Variants in GALNT14 observed in about 807,000 individuals in gnomAD.
GALNT14 encodes polypeptide N-acetylgalactosaminyltransferase 14, also known as UDP-GalNAc:polypeptide N-acetylgalactosaminyltransferase 14.
Under a neutral mutation model 77.5 loss-of-function variants are expected in GALNT14, and 60 were observed. That is an observed-to-expected ratio of 0.77 (90% CI 0.63 to 0.96). GALNT14 has a LOEUF of 0.96. GALNT14 is among the 40% of genes least tolerant of loss of function. The probability of loss-of-function intolerance (pLI) is 0.00; values close to 1 mark genes in which losing one functional copy is unlikely to be tolerated. For missense variants in GALNT14, 710 were observed against 731.0 expected, an observed-to-expected ratio of 0.97 and a Z score of 0.33; for synonymous variants, 280 against 281.7, an observed-to-expected ratio of 0.99 and a Z score of 0.06.
At chr2:30,937,962 C>T (rs1666152592) in intron 9 of GALNT14, among the ~76,000 whole-genome samples, 1 of 152,118 alleles carries the variant, frequency 6.6e-6, no homozygotes, top group Admixed American at 6.5e-5. Context: ...CCTATGAATG[C>T]TTAGTGATGA....
the GALNT14 span, among the ~76,000 whole-genome samples, chr2:30,895,197 C>T: frequency 3.3e-5 from 5 of 152,182 alleles, no homozygotes; most frequent in Non-Finnish European, 5.9e-5. Flanking sequence ...ATTTGACAAG[C>T]ACCTTTGAGA....
At chr2:30,983,158 A>G (rs1463549148) in intron 2 of GALNT14, among the ~76,000 whole-genome samples, 1 of 152,088 alleles carries the variant, frequency 6.6e-6, no homozygotes, top group Non-Finnish European at 1.5e-5. Flanking sequence ...TTTCAAGGCT[A>G]GCTTAAGGGA....
At chr2:31,132,604 A>C (rs1466146714) in intron 1 of GALNT14, 5 of 413,782 alleles carry the variant, frequency 1.2e-5, no homozygotes, top group African/African-American at 1.0e-4. Flanking sequence ...CAACAATGAG[A>C]AAATTGACAG....
At chr2:30,970,928 C>T (rs2148352686) in intron 2 of GALNT14, among the ~76,000 whole-genome samples, 1 of 152,314 alleles carries the variant, frequency 6.6e-6, no homozygotes, top group Admixed American at 6.5e-5. Flanking sequence ...GAATCTCGCT[C>T]AAGGTGGCAC....
chr2:30,997,354 T>C lies in GALNT14; in HGVS notation c.130-4347A>G, dbSNP rs375952847. Among the ~76,000 whole-genome samples the C allele has an allele frequency of 7.2e-4, 109 of 152,352 alleles. 2 individuals carry two copies. The South Asian group carries it at 0.021, about 30-fold the overall frequency. Reference sequence around the variant, plus strand: ...AGGACACCAGCCTCCTCCCTGACTCTGCATGGGGCCTTTGCAGTACATTGT... The same window carrying C: ...AGGACACCAGCCTCCTCCCTGACTCCGCATGGGGCCTTTGCAGTACATTGT... On this transcript the variant is annotated intron_variant, in intron 1 of 14. Transcript: ENST00000349752.
intron 1 of GALNT14, chr2:31,073,243 A>C (rs539894684): frequency 6.6e-6 from 1 of 152,344 alleles, no homozygotes; most frequent in South Asian, 2.1e-4. Context: ...TAATAGAAAT[A>C]ACTTTGCCCT....
chr2:30,962,652 G>A (rs59334263), intron 3 of GALNT14, among the ~76,000 whole-genome samples: 31,081 of 152,008 alleles, frequency 0.2, 3,537 homozygotes, highest in East Asian at 0.34. Context: ...TCATCTGTGT[G>A]CCCGATTGAG....
chr2:31,070,516 T>C (rs1487836135), intron 1 of GALNT14, among the ~76,000 whole-genome samples: 1 of 152,182 alleles, frequency 6.6e-6, no homozygotes, highest in African/African-American at 2.4e-5. Context: ...CCCCAAACCC[T>C]GTGACTCATC....
chr2:31,103,569 G>T (rs982301637), intron 1 of GALNT14, among the ~76,000 whole-genome samples: 6 of 151,816 alleles, frequency 4.0e-5, no homozygotes, highest in African/African-American at 1.2e-4. Context: ...TCCACCAACT[G>T]ATTTTAGTCA....
Position 30,992,914 on chromosome 2 carries a change from T to C in GALNT14, c.223A>G (p.Lys75Glu), listed in dbSNP as rs1403790498. Residue 75 changes from lysine (K) to glutamate (E), a missense_variant, in exon 2 of 15, where the codon AAG (lysine) becomes GAG (glutamate). Coordinates refer to ENST00000349752, the MANE Select transcript of GALNT14 (RefSeq NM_024572.4). ...KKWRVGDDPY[K>E]LYAFNQRESE... The stretch of plus-strand genomic sequence containing the variant: ...TCCCGCTGGTTGAAAGCATACAGCT[T>C]ATAGGGGTCGTCACCAACGCGCCAC... 6.2e-7 allele frequency: 1 copy of C among 1,614,078 alleles called. No individual in the cohort carries two copies. The highest frequency in any genetic ancestry group is 1.7e-5 in the Admixed American group (1 of 60,012).
the GALNT14 span, among the ~76,000 whole-genome samples, chr2:30,890,951 C>T: frequency 9.9e-4 from 150 of 152,150 alleles, 1 homozygote; most frequent in African/African-American, 3.4e-3. Flanking sequence ...TAAAGCCAGC[C>T]TGAGACCAGG....
At chr2:31,129,355 T>C in intron 1 of GALNT14, 1 of 984,800 alleles carries the variant, frequency 1.0e-6, no homozygotes. Context: ...TCACACCAAG[T>C]GGTGGGGAAA....
chr2:31,030,590 A>G (rs1173883733), intron 1 of GALNT14, among the ~76,000 whole-genome samples: 2 of 152,196 alleles, frequency 1.3e-5, no homozygotes, highest in Non-Finnish European at 1.5e-5. Flanking sequence ...GATACCCAGA[A>G]GCACTGGCAA....
At chr2:30,905,424 C>G in the GALNT14 span, among the ~76,000 whole-genome samples, 6 of 151,926 alleles carry the variant, frequency 3.9e-5, no homozygotes, top group African/African-American at 1.5e-4. Flanking sequence ...GCAGAAGCCT[C>G]AGGAGCCGAT....
intron 2 of GALNT14, among the ~76,000 whole-genome samples, chr2:30,968,966 A>T (rs1388999863): frequency 6.6e-6 from 1 of 151,942 alleles, no homozygotes; most frequent in Non-Finnish European, 1.5e-5. Flanking sequence ...GTTGAGGGAG[A>T]CCTGGAGGGA....
intron 8 of GALNT14, 47 bp downstream of exon 8, chr2:30,944,811 C>A: frequency 1.4e-6 from 2 of 1,427,008 alleles, no homozygotes; most frequent in South Asian, 1.4e-5. Context: ...TTGACAGGAT[C>A]CAGTGGTGAT....
chr2:31,133,513 T>C (rs765485504), intron 1 of GALNT14, among the ~76,000 whole-genome samples: 1 of 152,224 alleles, frequency 6.6e-6, no homozygotes, highest in South Asian at 2.1e-4. Flanking sequence ...TACACTTACA[T>C]GGGCCAGAGG....
chr2:31,023,812 C>A (rs1448506562), intron 1 of GALNT14, among the ~76,000 whole-genome samples: 3 of 152,110 alleles, frequency 2.0e-5, no homozygotes, highest in Non-Finnish European at 4.4e-5. Flanking sequence ...CCTCATCACT[C>A]TCCTCCTCCA....
At chr2:31,045,610 C>A (rs561153667) in intron 1 of GALNT14, among the ~76,000 whole-genome samples, 3 of 152,130 alleles carry the variant, frequency 2.0e-5, no homozygotes, top group South Asian at 2.1e-4. Flanking sequence ...TTACAGGCAC[C>A]CACAACCACG....
Sources: allele counts gnomAD v4.1 joint callset (sites outside exome capture counted in the v4.1 genomes callset), GRCh38; gene constraint gnomAD v4.1.1; transcripts MANE v1.5; gene names NCBI Gene and HGNC (gene_info 2026-07-23, HGNC 2026-07-21).